RAD51B: variants seen among roughly 807,000 people sequenced by gnomAD.
The protein encoded by RAD51B is RAD51 paralog B.
Under a neutral mutation model 42.2 loss-of-function variants are expected in RAD51B, and 38 were observed. The ratio of observed to expected loss-of-function variants is 0.90; its 90% CI spans 0.70 to 1.18. The LOEUF is 1.18. Ranked by LOEUF, RAD51B falls within the 50% of genes most tolerant of loss-of-function variation. RAD51B has a pLI of 0.00. For missense variants in RAD51B, 373 were observed against 400.7 expected, an observed-to-expected ratio of 0.93 and a Z score of 0.59; for synonymous variants, 154 against 145.2, an observed-to-expected ratio of 1.06 and a Z score of -0.43.
At chr14:67,876,064 T>TG (rs2042716522) in intron 5 of RAD51B, among the ~76,000 whole-genome samples, 1 of 152,204 alleles carries the variant, frequency 6.6e-6, no homozygotes, top group African/African-American at 2.4e-5. Flanking sequence ...AGGGAGATCC[T>TG]GAAAAGTTTC....
At chr14:68,476,710 T>C (rs1882645169) in intron 10 of RAD51B, among the ~76,000 whole-genome samples, 1 of 152,190 alleles carries the variant, frequency 6.6e-6, no homozygotes, top group Non-Finnish European at 1.5e-5. Context: ...CATGCGAAAC[T>C]TCTGTTTCCT....
At chr14:68,582,138 A>G (rs1184783789) in intron 10 of RAD51B, among the ~76,000 whole-genome samples, 2 of 152,374 alleles carry the variant, frequency 1.3e-5, no homozygotes, top group South Asian at 2.1e-4. Flanking sequence ...CAATGGCAAC[A>G]AAAGTCAAAA....
At chr14:68,455,948 GC>G (rs2085675715) in intron 9 of RAD51B, among the ~76,000 whole-genome samples, 1 of 152,138 alleles carries the variant, frequency 6.6e-6, no homozygotes, top group Admixed American at 6.5e-5. Flanking sequence ...AGAGAATAGA[GC>G]TATATTGATG....
chr14:68,468,410 C>T (rs774769229), intron 10 of RAD51B, 160 bp downstream of exon 10: 166 of 822,282 alleles, frequency 2.0e-4, no homozygotes, highest in Middle Eastern at 3.5e-4. Context: ...AGCAAGAGAG[C>T]GGCAGTTGTG....
intron 10 of RAD51B, chr14:68,541,516 G>A: frequency 1.0e-6 from 1 of 985,398 alleles, no homozygotes; most frequent in East Asian, 1.1e-4. Context: ...AGACCACTTT[G>A]CCTTGGAAAC....
chr14:68,308,713 A>AG (rs1299622420), intron 8 of RAD51B, among the ~76,000 whole-genome samples: 1 of 150,218 alleles, frequency 6.7e-6, no homozygotes, highest in African/African-American at 2.5e-5. Context: ...TTAAAAAAAA[A>AG]AAAAAAAAAA....
intron 7 of RAD51B, among the ~76,000 whole-genome samples, chr14:68,102,132 G>A (rs1424676003): frequency 6.6e-6 from 1 of 152,222 alleles, no homozygotes; most frequent in Non-Finnish European, 1.5e-5. Context: ...TCCCAAGGCT[G>A]CATAGAGCAA....
intron 7 of RAD51B, among the ~76,000 whole-genome samples, chr14:68,225,908 A>G (rs1192934930): frequency 6.6e-6 from 1 of 152,206 alleles, no homozygotes; most frequent in Non-Finnish European, 1.5e-5. Flanking sequence ...ACTGAGAAAT[A>G]TGGTAGAATT....
intron 7 of RAD51B, among the ~76,000 whole-genome samples, chr14:68,285,684 C>T (rs1276939624): frequency 6.6e-6 from 1 of 152,064 alleles, no homozygotes; most frequent in Non-Finnish European, 1.5e-5. Flanking sequence ...AGGGAGTGGG[C>T]GGGAGGAGGA....
intron 9 of RAD51B, among the ~76,000 whole-genome samples, chr14:68,447,676 C>T (rs1363814013): frequency 1.3e-5 from 2 of 152,006 alleles, no homozygotes; most frequent in South Asian, 4.1e-4. Context: ...AAAATATTAA[C>T]TTAAAAGCAA....
Position 68,162,761 on chromosome 14 carries a change from G to A in RAD51B, c.757-129123G>A, listed in dbSNP as rs189679475. Among the ~76,000 whole-genome samples the A allele has an allele frequency of 1.3e-3, 202 of 152,284 alleles. No individual in the cohort carries two copies. In the Middle Eastern group the frequency reaches 0.034, roughly 26 times the overall value. On this transcript the variant is annotated intron_variant, in intron 7 of 10. Coordinates refer to ENST00000471583, the MANE Select transcript of RAD51B (RefSeq NM_133510.4). ...GATTGTGCCACTGCACTCCAGCCTG[G>A]ATGACAGAGCGAGAATCCGTCTCAA...
chr14:68,067,223 G>A (rs184285880), intron 7 of RAD51B, among the ~76,000 whole-genome samples: 209 of 152,244 alleles, frequency 1.4e-3, no homozygotes, highest in Middle Eastern at 6.8e-3. Flanking sequence ...AGCACTTTGG[G>A]AGGCCGAGGT....
chr14:67,894,288 A>G (rs1006814234), intron 7 of RAD51B, among the ~76,000 whole-genome samples: 2 of 152,220 alleles, frequency 1.3e-5, no homozygotes, highest in African/African-American at 4.8e-5. Flanking sequence ...CAAGGCTGCA[A>G]GTGCCTCAGA....
At chr14:68,238,216 A>G (rs1379231545) in intron 7 of RAD51B, among the ~76,000 whole-genome samples, 2 of 152,198 alleles carry the variant, frequency 1.3e-5, no homozygotes, top group African/African-American at 4.8e-5. Flanking sequence ...CCATCCTAGT[A>G]GTTGTGAAGT....
chr14:67,940,998 T>G (rs996444769), intron 7 of RAD51B, among the ~76,000 whole-genome samples: 2 of 152,198 alleles, frequency 1.3e-5, no homozygotes, highest in African/African-American at 4.8e-5. Flanking sequence ...TGGGGTTTGT[T>G]TTTTAAGCCC....
At chr14:67,840,257 GT>G (rs1414003035) in intron 4 of RAD51B, among the ~76,000 whole-genome samples, 1 of 152,056 alleles carries the variant, frequency 6.6e-6, no homozygotes, top group South Asian at 2.1e-4. Context: ...CCAATAAGTA[GT>G]TTTTTTAGCC....
At chr14:68,548,879 C>T (rs561326396) in intron 10 of RAD51B, among the ~76,000 whole-genome samples, 4 of 152,306 alleles carry the variant, frequency 2.6e-5, no homozygotes, top group South Asian at 4.1e-4. Context: ...TTCCTGACCT[C>T]CCTCCATGGG....
chr14:68,515,450 T>C (rs1886072859), intron 10 of RAD51B, among the ~76,000 whole-genome samples: 1 of 149,058 alleles, frequency 6.7e-6, no homozygotes, highest in African/African-American at 2.5e-5. Flanking sequence ...CTTCTTTTTT[T>C]TTTTTTTTTT....
At chr14:68,298,309 G>A (rs1008686901) in intron 8 of RAD51B, among the ~76,000 whole-genome samples, 1 of 152,200 alleles carries the variant, frequency 6.6e-6, no homozygotes, top group African/African-American at 2.4e-5. Flanking sequence ...AGGGGGCAAT[G>A]TAACCTCAGC....
Sources: gnomAD v4.1 joint callset for allele counts (sites outside exome capture counted in the v4.1 genomes callset) on GRCh38, gnomAD v4.1.1 for gene constraint, MANE v1.5 for transcripts, NCBI Gene and HGNC (gene_info 2026-07-23, HGNC 2026-07-21) for gene names.